Variants in ATXN7L1 observed in about 807,000 individuals in gnomAD.
ATXN7L1 encodes ataxin 7 like 1.
In ATXN7L1, 15 loss-of-function variants were observed where a neutral mutation model predicts 70.8. The observed-to-expected ratio is 0.21, with a 90% CI of 0.14 to 0.33. The LOEUF (loss-of-function observed/expected upper bound fraction) is 0.33, where lower values mean the gene tolerates loss of function less well. Among genes scored for constraint, ATXN7L1 ranks in the 10% least tolerant of loss-of-function variants. The pLI is 1.00. For missense variants in ATXN7L1, 975 were observed against 1,097.1 expected, an observed-to-expected ratio of 0.89 and a Z score of 1.57; for synonymous variants, 440 against 445.1, an observed-to-expected ratio of 0.99 and a Z score of 0.14.
At chr7:105,782,907 G>C (rs1472405208) in intron 3 of ATXN7L1, among the ~76,000 whole-genome samples, 1 of 152,228 alleles carries the variant, frequency 6.6e-6, no homozygotes, top group African/African-American at 2.4e-5. Flanking sequence ...GGCAAGAAAT[G>C]AAGGCAGGAA....
intron 3 of ATXN7L1, among the ~76,000 whole-genome samples, chr7:105,778,518 A>AC (rs1370152561): frequency 1.5e-5 from 2 of 130,362 alleles, no homozygotes; most frequent in Non-Finnish European, 3.2e-5. Context: ...CTCAAAAAAA[A>AC]AAAAAAAAAA....
At chr7:105,766,967 C>T (rs955815052) in intron 3 of ATXN7L1, among the ~76,000 whole-genome samples, 7 of 152,186 alleles carry the variant, frequency 4.6e-5, no homozygotes, top group African/African-American at 1.7e-4. Context: ...GCCCGAAATT[C>T]AGTCTTTCTG....
chr7:105,613,572 T>G, intron 10 of ATXN7L1: 4 of 1,326,008 alleles, frequency 3.0e-6, no homozygotes, highest in Non-Finnish European at 3.9e-6. Context: ...GTGCCTCAGT[T>G]TACTCATCTG....
At chr7:105,761,125 T>C (rs544619704) in intron 3 of ATXN7L1, 119 of 1,168,304 alleles carry the variant, frequency 1.0e-4, no homozygotes, top group Middle Eastern at 3.5e-4. Flanking sequence ...CAGGTGGGAA[T>C]TGATGGCAGC....
chr7:105,691,502 C>G (rs536108400), intron 3 of ATXN7L1: 1 of 152,116 alleles, frequency 6.6e-6, no homozygotes, highest in East Asian at 1.9e-4. Flanking sequence ...AACCTAGGAT[C>G]AGCAAAATTA....
chr7:105,792,776 T>A (rs1272027161), intron 2 of ATXN7L1, among the ~76,000 whole-genome samples: 1 of 152,212 alleles, frequency 6.6e-6, no homozygotes, highest in Non-Finnish European at 1.5e-5. Flanking sequence ...CAAATCAGGC[T>A]TTTTGTTTTT....
chr7:105,778,566 A>G (rs950844923), intron 3 of ATXN7L1, among the ~76,000 whole-genome samples: 4 of 151,498 alleles, frequency 2.6e-5, no homozygotes, highest in African/African-American at 9.7e-5. Flanking sequence ...AGTTATGAAG[A>G]TCCTATTAAT....
At chr7:105,742,897 A>G (rs561823581) in intron 3 of ATXN7L1, among the ~76,000 whole-genome samples, 2 of 152,104 alleles carry the variant, frequency 1.3e-5, no homozygotes, top group Non-Finnish European at 2.9e-5. Context: ...TCCCTTGACG[A>G]GTATCTTCCA....
intron 2 of ATXN7L1, among the ~76,000 whole-genome samples, chr7:105,822,281 T>C (rs1810271636): frequency 1.3e-5 from 2 of 152,188 alleles, no homozygotes; most frequent in South Asian, 2.1e-4. Flanking sequence ...CAAAAATAAA[T>C]CCATAACATC....
At chr7:105,876,301 C>T (rs1819291783) in intron 1 of ATXN7L1, 77 bp downstream of exon 1, 1 of 1,470,084 alleles carries the variant, frequency 6.8e-7, no homozygotes. Context: ...CTCACACACA[C>T]ACTTTTTCCC....
intron 7 of ATXN7L1, among the ~76,000 whole-genome samples, chr7:105,636,423 C>T (rs900600060): frequency 1.3e-5 from 2 of 149,992 alleles, no homozygotes; most frequent in African/African-American, 2.4e-5. Flanking sequence ...GATTCTGTTA[C>T]CAACCTGTGT....
At chr7:105,830,381 C>T (rs1811433394) in intron 2 of ATXN7L1, among the ~76,000 whole-genome samples, 1 of 152,284 alleles carries the variant, frequency 6.6e-6, no homozygotes, top group African/African-American at 2.4e-5. Context: ...AAACCACTGC[C>T]CCATACCTGT....
At chr7:105,755,199 G>A (rs1052337435) in intron 3 of ATXN7L1, among the ~76,000 whole-genome samples, 1 of 149,512 alleles carries the variant, frequency 6.7e-6, no homozygotes, top group African/African-American at 2.5e-5. Context: ...TCCTTCTCTA[G>A]AAGCACTGAA....
chr7:105,626,111 C>T (rs968448847), intron 7 of ATXN7L1, among the ~76,000 whole-genome samples: 1 of 152,132 alleles, frequency 6.6e-6, no homozygotes, highest in African/African-American at 2.4e-5. Context: ...CACTTAAAAA[C>T]AAAACCACAA....
rs574084259 is a variant in ATXN7L1 at position 105,742,036 on chromosome 7, C to A, written c.355+46568G>T. Among the ~76,000 whole-genome samples, 189 of 152,276 alleles carry A rather than the reference C, an allele frequency of 1.2e-3. 1 individual carries two copies. The highest frequency in any genetic ancestry group is 3.9e-4 in the East Asian group (2 of 5,180). On this transcript the variant is annotated intron_variant, in intron 3 of 11. Transcript: ENST00000419735. Reference sequence around the variant, plus strand: ...GATACATTTCTGTCACTTAAGATATCCAGATTGTGGCACTTTGTTATGGTA... The same window carrying A: ...GATACATTTCTGTCACTTAAGATATACAGATTGTGGCACTTTGTTATGGTA...
chr7:105,638,724 T>C, intron 6 of ATXN7L1, 115 bp from the exon 7 acceptor site: 3 of 1,350,406 alleles, frequency 2.2e-6, no homozygotes. Flanking sequence ...GCTTGAAAAG[T>C]CAACTTCAAG....
At chr7:105,690,066 G>A (rs1007726701) in intron 3 of ATXN7L1, among the ~76,000 whole-genome samples, 1 of 152,174 alleles carries the variant, frequency 6.6e-6, no homozygotes, top group Admixed American at 6.5e-5. Flanking sequence ...GTGCAATGGC[G>A]CGCTCTCGGC....
chr7:105,608,260 T>C (rs1792860132), intron 11 of ATXN7L1, among the ~76,000 whole-genome samples: 1 of 152,226 alleles, frequency 6.6e-6, no homozygotes, highest in Non-Finnish European at 1.5e-5. Flanking sequence ...CACTGCAAAT[T>C]ATCTCAGGAA....
intron 7 of ATXN7L1, among the ~76,000 whole-genome samples, chr7:105,633,268 G>A (rs147005785): frequency 1.9e-4 from 29 of 152,262 alleles, no homozygotes; most frequent in Non-Finnish European, 5.9e-5. Flanking sequence ...AAATTTAAAG[G>A]CACAAACTAA....
Sources: allele counts gnomAD v4.1 joint callset (sites outside exome capture counted in the v4.1 genomes callset), GRCh38; gene constraint gnomAD v4.1.1; transcripts MANE v1.5; gene names NCBI Gene and HGNC (gene_info 2026-07-23, HGNC 2026-07-21).